SLC9D1: variants seen among roughly 807,000 people sequenced by gnomAD.
SLC9D1 encodes putative LAG1-interacting protein.
chr13:113,518,146 T>C, the SLC9D1 span, among the ~76,000 whole-genome samples: 1 of 152,148 alleles, frequency 6.6e-6, no homozygotes, highest in African/African-American at 2.4e-5. Context: ...ATAGTGAAAG[T>C]GTTGAGAAAT....
At chr13:113,537,408 G>A in the SLC9D1 span, among the ~76,000 whole-genome samples, 1 of 152,184 alleles carries the variant, frequency 6.6e-6, no homozygotes, top group Non-Finnish European at 1.5e-5. Context: ...GGCGGCTTCC[G>A]TGTCTGGCTT....
At chr13:113,523,650 C>T in the SLC9D1 span, among the ~76,000 whole-genome samples, 2 of 151,504 alleles carry the variant, frequency 1.3e-5, no homozygotes, top group Admixed American at 6.6e-5. Context: ...CTACCCTCAC[C>T]TTCCTTCTTG....
At chr13:113,501,112 A>G in the SLC9D1 span, among the ~76,000 whole-genome samples, 1 of 152,134 alleles carries the variant, frequency 6.6e-6, no homozygotes, top group Non-Finnish European at 1.5e-5. Flanking sequence ...TACAGTTTGG[A>G]CACCAGCACT....
At chr13:113,538,166 G>A in the SLC9D1 span, among the ~76,000 whole-genome samples, 1 of 151,960 alleles carries the variant, frequency 6.6e-6, no homozygotes, top group South Asian at 2.1e-4. Flanking sequence ...GCATGAATGT[G>A]TACTTTATGT....
chr13:113,530,515 TCTA>T, the SLC9D1 span: 2 of 152,198 alleles, frequency 1.3e-5, no homozygotes, highest in Non-Finnish European at 2.9e-5. Flanking sequence ...CTAAGTTTTT[TCTA>T]CTATATATAC....
chr13:113,523,982 G>A, the SLC9D1 span: 29 of 387,316 alleles, frequency 7.5e-5, no homozygotes, highest in Middle Eastern at 4.0e-4. Flanking sequence ...AGAACATTTT[G>A]TATGATTTCA....
the SLC9D1 span, among the ~76,000 whole-genome samples, chr13:113,517,268 T>G: frequency 1.3e-5 from 2 of 152,208 alleles, no homozygotes; most frequent in Non-Finnish European, 2.9e-5. Context: ...AGTCTCGCTC[T>G]GTCGCCCAGG....
the SLC9D1 span, chr13:113,500,127 G>A: frequency 1.4e-5 from 21 of 1,535,920 alleles, no homozygotes; most frequent in African/African-American, 2.8e-5. Flanking sequence ...ACCATCCCAC[G>A]TGCAGATCAC....
the SLC9D1 span, among the ~76,000 whole-genome samples, chr13:113,494,030 T>G: frequency 6.6e-6 from 1 of 152,212 alleles, no homozygotes; most frequent in African/African-American, 2.4e-5. Flanking sequence ...ATTAAACCAA[T>G]TAGAATTTGG....
chr13:113,547,375 T>C, the SLC9D1 span: 1 of 1,613,066 alleles, frequency 6.2e-7, no homozygotes, highest in Non-Finnish European at 8.5e-7. Context: ...GTGGTGGTGA[T>C]GAAGGTATGG....
the SLC9D1 span, among the ~76,000 whole-genome samples, chr13:113,507,959 G>C: frequency 6.6e-6 from 1 of 152,242 alleles, no homozygotes; most frequent in Admixed American, 6.5e-5. Flanking sequence ...CAGCCATCTG[G>C]GGGGCTTGGT....
chr13:113,499,478 A>G, the SLC9D1 span, among the ~76,000 whole-genome samples: 2 of 152,170 alleles, frequency 1.3e-5, no homozygotes, highest in African/African-American at 2.4e-5. Context: ...TGAACTTCTT[A>G]TAGAAAATGA....
At chr13:113,523,866 C>A in the SLC9D1 span, among the ~76,000 whole-genome samples, 1 of 152,126 alleles carries the variant, frequency 6.6e-6, no homozygotes, top group African/African-American at 2.4e-5. Context: ...TTTGATACTT[C>A]TTTGACTCAT....
chr13:113,535,472 A>G, the SLC9D1 span, among the ~76,000 whole-genome samples: 2 of 152,192 alleles, frequency 1.3e-5, no homozygotes, highest in African/African-American at 4.8e-5. This position sits in a 1 kb window ranked among gnomAD's most constrained non-coding sequence, Gnocchi z 4.1. Context: ...ATCCCAGAGA[A>G]ATGAAGCCGT....
chr13:113,501,886 A>C, the SLC9D1 span: 1 of 1,603,660 alleles, frequency 6.2e-7, no homozygotes. Context: ...TTAAGGTAAG[A>C]ACAAAATTGG....
chr13:113,492,054 G>A, the SLC9D1 span, among the ~76,000 whole-genome samples: 1 of 152,174 alleles, frequency 6.6e-6, no homozygotes, highest in Non-Finnish European at 1.5e-5. Context: ...CGCCCAGGCT[G>A]GAGTGCAGTG....
At chr13:113,506,809 ATGT>A in the SLC9D1 span, among the ~76,000 whole-genome samples, 1 of 152,208 alleles carries the variant, frequency 6.6e-6, no homozygotes, top group African/African-American at 2.4e-5. Context: ...ATAAAAAATA[ATGT>A]TGTATAACGT....
chr13:113,496,586 T>G, the SLC9D1 span, among the ~76,000 whole-genome samples: 5 of 152,382 alleles, frequency 3.3e-5, no homozygotes, highest in South Asian at 1.0e-3. Context: ...TTTACATTTT[T>G]TAAAGCCATC....
chr13:113,498,122 T>C, the SLC9D1 span, among the ~76,000 whole-genome samples: 1 of 152,352 alleles, frequency 6.6e-6, no homozygotes, highest in Admixed American at 6.5e-5. Context: ...CAAATGTTTC[T>C]TACGTGTGTT....
Sources: gnomAD v4.1 joint callset for allele counts (sites outside exome capture counted in the v4.1 genomes callset) on GRCh38, gnomAD v4.1.1 for gene constraint, Gnocchi (gnomAD v3.1) non-coding constraint, MANE v1.5 for transcripts, NCBI Gene and HGNC (gene_info 2026-07-23, HGNC 2026-07-21) for gene names.